The following FLG2 variants were observed in gnomAD, a reference collection of about 807,000 sequenced individuals.
FLG2 encodes the protein filaggrin 2, also known as filaggrin-2.
FLG2 carries 7 observed loss-of-function variants against 3.9 expected under a neutral mutation model. The observed-to-expected ratio is 1.79, with a 90% CI of 1.02 to 3.36. FLG2 has a LOEUF of 3.36. Among genes scored for constraint, FLG2 ranks in the 30% most tolerant of loss-of-function variants. The probability of loss-of-function intolerance (pLI) is 0.00; values close to 1 mark genes in which losing one functional copy is unlikely to be tolerated. For missense variants in FLG2, 2,700 were observed against 2,809.4 expected, an observed-to-expected ratio of 0.96 and a Z score of 0.88; for synonymous variants, 1,031 against 1,056.1, an observed-to-expected ratio of 0.98 and a Z score of 0.46.
In FLG2 at chr1:152,350,194, A is replaced by G. The variant is rs1653855012; in HGVS notation, c.*416T>C. The G allele has an allele frequency of 5.0e-6, 1 of 200,590 alleles. No homozygotes were observed. Among genetic ancestry groups the G allele is most frequent in the South Asian group, 9.9e-5 (1 of 10,056 alleles). 12.4% of individuals were successfully genotyped at this position (200,590 alleles called of 1,614,324 possible). ...ATGTATACCTATTGTATTGAACTCT[A>G]ACTTCCCATGCCTAGATCCTAATTG... is the stretch of plus-strand genomic sequence containing the variant. On this transcript the variant is annotated 3_prime_UTR_variant, in exon 3 of 3. Coordinates refer to ENST00000388718, the MANE Select transcript of FLG2 (RefSeq NM_001014342.3).
rs747594152 is a variant in FLG2 at position 152,352,322 on chromosome 1, G to A, written c.5464C>T (p.Arg1822Ter). The A allele has an allele frequency of 2.3e-5, 37 of 1,611,742 alleles. No homozygotes were observed. The highest frequency in any genetic ancestry group is 1.2e-4 in the South Asian group (11 of 90,962). The change falls in exon 3 of 3, where the codon CGA becomes TGA. Residue 1822 changes from arginine (R) to a stop codon, truncating the protein, a stop_gained. Transcript: ENST00000388718. LOFTEE classifies it low-confidence loss of function (END_TRUNC). ...HSGFSQRPHS[R>*]GHTHGQAGSQ... is the part of the protein sequence containing the mutation. Reference sequence around the variant, plus strand: ...CCAGCCTGGCCGTGAGTGTGTCCTCGTGAGTGTGGTCTTTGTGAGAACCCT... The same window carrying A: ...CCAGCCTGGCCGTGAGTGTGTCCTCATGAGTGTGGTCTTTGTGAGAACCCT...
In FLG2 at chr1:152,357,159, G is replaced by A. The variant is rs779948182; in HGVS notation, c.627C>T (p.Asn209=). The A allele has an allele frequency of 8.1e-6, 13 of 1,614,154 alleles. No individual in the cohort carries two copies. The Admixed American group carries it at 1.8e-4, about 23-fold the overall frequency. Reference sequence around the variant, plus strand: ...CCCTAGAAGGGCTAATGTGTGACTTGTTTATTCTTTCTCTCAGTTCTACAG... The same window carrying A: ...CCCTAGAAGGGCTAATGTGTGACTTATTTATTCTTTCTCTCAGTTCTACAG... The part of the protein sequence containing the change: ...SSSVELRERI[N]KSHISPSRES... The change falls in exon 3 of 3, where the codon AAC becomes AAT. Residue 209 remains asparagine (N), a synonymous_variant. Coordinates refer to ENST00000388718, the MANE Select transcript of FLG2 (RefSeq NM_001014342.3).
At chr1:152,359,055 T>A (rs764015266) in intron 1 of FLG2, 149 bp from the exon 2 acceptor site, 3 of 679,986 alleles carry the variant, frequency 4.4e-6, no homozygotes, top group Non-Finnish European at 4.8e-6. Flanking sequence ...TACAACCCCG[T>A]TTAACACAAT....
chr1:152,358,949 C>A, intron 1 of FLG2, 43 bp from the exon 2 acceptor site: 2 of 1,494,868 alleles, frequency 1.3e-6, no homozygotes, highest in South Asian at 1.3e-5. Context: ...CATATTCTCT[C>A]CTTTTATCAG....
rs1230394100 is a variant in FLG2 at position 152,357,413 on chromosome 1, G to A, written c.373C>T (p.His125Tyr). ...TEEDEEDTPG[H>Y]KSGYRHSSWS... ...CTTGAATGTCTGTAACCTGATTTAT[G>A]TCCTGGTGTATCCTCTTCATCCTCT... Residue 125 changes from histidine (H) to tyrosine (Y), a missense_variant, in exon 3 of 3, where the codon CAT becomes TAT. Transcript: ENST00000388718. 6 of 1,614,066 alleles carry A rather than the reference G, an allele frequency of 3.7e-6. No individual in the cohort carries two copies. Among genetic ancestry groups the A allele is most frequent in the African/African-American group, 1.3e-5 (1 of 74,980 alleles).
Position 152,351,405 on chromosome 1 carries a change from G to T in FLG2, c.6381C>A (p.Gly2127=), listed in dbSNP as rs1313370491. 6.2e-7 allele frequency: 1 copy of T among 1,613,110 alleles called. No individual in the cohort carries two copies. The highest frequency in any genetic ancestry group is 8.5e-7 in the Non-Finnish European group (1 of 1,179,818). Residue 2127 remains glycine (G), a synonymous_variant, in exon 3 of 3, where the codon GGC becomes GGA. Transcript: ENST00000388718. ...ACTCTCCATGTTGAGATCTGGCTTGGCCATAAGTGTGTCCTGAATGTGTGT... is the reference window on the plus strand; with the variant it reads ...ACTCTCCATGTTGAGATCTGGCTTGTCCATAAGTGTGTCCTGAATGTGTGT... ...VSHTHSGHTY[G]QARSQHGESG...
rs772722103 is a variant in FLG2 at position 152,355,559 on chromosome 1, A to C, written c.2227T>G (p.Ser743Ala). ...GQHGSGSGQS[S>A]GFGQHGSGSG... is the part of the protein sequence containing the mutation. The stretch of plus-strand genomic sequence containing the variant: ...CCAGACCCATGTTGTCCAAAGCCAG[A>C]GGACTGACCTGAGCCTGATCCATGT... Residue 743 changes from serine (S) to alanine (A), a missense_variant, in exon 3 of 3, where the codon TCT (serine) becomes GCT (alanine). Coordinates refer to ENST00000388718, the MANE Select transcript of FLG2 (RefSeq NM_001014342.3). 2.3e-5 allele frequency: 37 copies of C among 1,610,562 alleles called. No individual in the cohort carries two copies. Among genetic ancestry groups the C allele is most frequent in the Middle Eastern group, 1.7e-4 (1 of 6,038 alleles).
rs1380313303 is a variant in FLG2, at chr1:152,356,069, C to A, written c.1717G>T (p.Gly573Cys). 1.8e-5 allele frequency: 29 copies of A among 1,613,088 alleles called. No homozygotes were observed. The highest frequency in any genetic ancestry group is 2.2e-5 in the Non-Finnish European group (26 of 1,179,882). Residue 573 changes from glycine (G) to cysteine (C), a missense_variant, in exon 3 of 3, where the codon GGC becomes TGC. Transcript: ENST00000388718. ...CCAAAGCCAGTGGATTGACCTGAGC[C>A]CAACCCATGTTGTCCAAAGCCAGAT... ...ETSGFGQHGL[G>C]SGQSTGFGQY...
In FLG2 at chr1:152,356,935, T is replaced by G; in HGVS notation, c.851A>C (p.Asn284Thr). 6.2e-7 allele frequency: 1 copy of G among 1,614,212 alleles called. No homozygotes were observed. Among genetic ancestry groups the G allele is most frequent in the Non-Finnish European group, 8.5e-7 (1 of 1,180,038 alleles). The stretch of plus-strand genomic sequence containing the variant: ...TTGTGGCCTTCCACACCCACTTGAA[T>G]TGCTATAACCACATGCATGACTTCG... ...GRRSHACGYS[N>T]SSGCGRPQNA... The change falls in exon 3 of 3, where the codon AAT becomes ACT. Residue 284 changes from asparagine (N) to threonine (T), a missense_variant. Physicochemically the swap from Asn to Thr is moderately conservative, Grantham distance 65. Coordinates refer to ENST00000388718, the MANE Select transcript of FLG2 (RefSeq NM_001014342.3).
rs1177964746 is a variant in FLG2 at position 152,349,612 on chromosome 1, T to A, written c.*998A>T. 2.0e-5 allele frequency: 3 copies of A among 152,690 alleles called. No homozygotes were observed. The highest frequency in any genetic ancestry group is 6.5e-5 in the Admixed American group (1 of 15,278). The allele number at this position is 152,690 out of a possible 1,614,324, so 9.5% of individuals were successfully genotyped here. A position where few individuals can be genotyped will look rare whatever the true frequency, so the allele number is the denominator to read the frequency against. On this transcript the variant is annotated 3_prime_UTR_variant, in exon 3 of 3. Coordinates refer to ENST00000388718, the MANE Select transcript of FLG2 (RefSeq NM_001014342.3). ...ATGTTAAATACCTTAATTTCATGTA[T>A]GTGTCTCATTTCTTCTCTGGGTTAG... is the stretch of plus-strand genomic sequence containing the variant.
rs1653931141 is a variant in FLG2 at position 152,351,675 on chromosome 1, T to G, written c.6111A>C (p.Glu2037Asp). The change falls in exon 3 of 3, where the codon GAA becomes GAC. Residue 2037 changes from glutamate to aspartate, a missense_variant. Physicochemically the swap from Glu to Asp is conservative, Grantham distance 45. Transcript: ENST00000388718. Reference protein sequence around the residue: ...ASGHSEYSDSEGHSGVSHTHS... With the variant: ...ASGHSEYSDSDGHSGVSHTHS... ...GTGTGTGTGAGACCCCTGAGTGCCC[T>G]TCACTGTCACTGTACTCACTGTGGC... 1 of 1,611,422 alleles carries G rather than the reference T, an allele frequency of 6.2e-7. No homozygotes were observed. The highest frequency in any genetic ancestry group is 1.3e-5 in the African/African-American group (1 of 74,116).
In FLG2 at chr1:152,356,859, T is replaced by C. The variant is rs780609203; in HGVS notation, c.927A>G (p.Gln309=). ...QSHRFGGQGN[Q]FSYIQSGCQS... ...GACAGCCTGACTGAATATAGCTAAATTGATTTCCTTGCCCTCCAAATCTAT... is the reference window on the plus strand; with the variant it reads ...GACAGCCTGACTGAATATAGCTAAACTGATTTCCTTGCCCTCCAAATCTAT... The change falls in exon 3 of 3, where the codon CAA becomes CAG. Residue 309 remains glutamine (Q), a synonymous_variant. Transcript: ENST00000388718. 1.2e-6 allele frequency: 2 copies of C among 1,614,220 alleles called. No individual in the cohort carries two copies. The highest frequency in any genetic ancestry group is 1.7e-6 in the Non-Finnish European group (2 of 1,180,042).
In FLG2 at chr1:152,352,440, G is replaced by T; in HGVS notation, c.5346C>A (p.His1782Gln). The T allele has an allele frequency of 6.2e-7, 1 of 1,612,010 alleles. No individual in the cohort carries two copies. Among genetic ancestry groups the T allele is most frequent in the Non-Finnish European group, 8.5e-7 (1 of 1,179,472 alleles). The change falls in exon 3 of 3, where the codon CAC (histidine) becomes CAA (glutamine). Residue 1782 changes from histidine (H) to glutamine (Q), a missense_variant. Transcript: ENST00000388718. ...GQTGDTTRHA[H>Q]SGHGQSTQTG... ...TCTGTGTGGACTGTCCATGACCAGA[G>T]TGGGCATGTCTGGTGGTATCGCCTG...
chr1:152,351,166 C>G lies in FLG2; in HGVS notation c.6620G>C (p.Arg2207Pro). ...ACCTGAGGATCCTGACTGTCCATGT[C>G]GAGATCCGGCTTGGCTGTGAGTGTG... ...SGHTHSQAGS[R>P]HGQSGSSGHG... The change falls in exon 3 of 3, where the codon CGA becomes CCA. Residue 2207 changes from arginine (R) to proline (P), a missense_variant. Arg to Pro is a moderately radical substitution (Grantham distance 103). Transcript: ENST00000388718. 1 of 1,607,548 alleles carries G rather than the reference C, an allele frequency of 6.2e-7. No homozygotes were observed. The highest frequency in any genetic ancestry group is 1.1e-5 in the South Asian group (1 of 90,712).
rs759305561 is a variant in FLG2 at position 152,351,299 on chromosome 1, C to A, written c.6487G>T (p.Gly2163Ter). The A allele has an allele frequency of 6.2e-7, 1 of 1,613,898 alleles. No individual in the cohort carries two copies. The highest frequency in any genetic ancestry group is 8.5e-7 in the Non-Finnish European group (1 of 1,179,990). ...DTTRHGQSGH[G>*]QSTQTGSRTT... The stretch of plus-strand genomic sequence containing the variant: ...CTGGAACCTGTCTGTGTGGACTGTC[C>A]ATGACCAGACTGGCCATGTCTAGTG... The change falls in exon 3 of 3, where the codon GGA (glycine) becomes TGA (stop). Residue 2163 changes from glycine to a stop codon, truncating the protein, a stop_gained. Transcript: ENST00000388718. LOFTEE classifies it low-confidence loss of function (END_TRUNC).
rs1482282171 is a variant in FLG2, at chr1:152,350,410, T to C, written c.*200A>G. On this transcript the variant is annotated 3_prime_UTR_variant, in exon 3 of 3. Coordinates refer to ENST00000388718, the MANE Select transcript of FLG2 (RefSeq NM_001014342.3). ...GGCTGTGTTATATCCAGGTTGAACA[T>C]AGGTGTTGTTTGACTGTTTATGAGT... 4 of 661,024 alleles carry C rather than the reference T, an allele frequency of 6.1e-6. No homozygotes were observed. The highest frequency in any genetic ancestry group is 2.0e-5 in the South Asian group (1 of 49,026). 40.9% of individuals were successfully genotyped at this position (661,024 alleles called of 1,614,324 possible). A position where few individuals can be genotyped will look rare whatever the true frequency, so the allele number is the denominator to read the frequency against.
chr1:152,355,217 C>T lies in FLG2; in HGVS notation c.2569G>A (p.Gly857Ser). The T allele has an allele frequency of 6.2e-7, 1 of 1,609,994 alleles. No individual in the cohort carries two copies. The highest frequency in any genetic ancestry group is 8.5e-7 in the Non-Finnish European group (1 of 1,178,982). ...QHGSGSSQSS[G>S]YGQHGSSSGQ... ...GAACTTGACCCATGTTGACCATAGC[C>T]AGATGATTGACTTGAGCCAGAACCA... The change falls in exon 3 of 3, where the codon GGC (glycine) becomes AGC (serine). Residue 857 changes from glycine to serine, a missense_variant. Transcript: ENST00000388718.
Position 152,358,802 on chromosome 1 carries a change from A to T in FLG2, c.83T>A (p.Leu28Gln), listed in dbSNP as rs1175508838. 1 of 1,614,032 alleles carries T rather than the reference A, an allele frequency of 6.2e-7. No homozygotes were observed. Among genetic ancestry groups the T allele is most frequent in the Non-Finnish European group, 8.5e-7 (1 of 1,179,948 alleles). ...AAGTTCCTTTAGTTCACCCTTGCTCAGTGTGCCACACTCCCCATCTTGCTT... is the reference window on the plus strand; with the variant it reads ...AAGTTCCTTTAGTTCACCCTTGCTCTGTGTGCCACACTCCCCATCTTGCTT... ...YTKQDGECGT[L>Q]SKGELKELLE... is the part of the protein sequence containing the mutation. Residue 28 changes from leucine to glutamine, a missense_variant, in exon 2 of 3, where the codon CTG (leucine) becomes CAG (glutamine). By Grantham distance (113) the Leu-to-Gln change is moderately radical. Coordinates refer to ENST00000388718, the MANE Select transcript of FLG2 (RefSeq NM_001014342.3).
intron 1 of FLG2, 35 bp from the exon 2 acceptor site, chr1:152,358,941 T>C: frequency 6.5e-7 from 1 of 1,534,704 alleles, no homozygotes; most frequent in Non-Finnish European, 8.8e-7. Context: ...CTATTATTCA[T>C]ATTCTCTCCT....
Sources: gnomAD v4.1 joint callset for allele counts on GRCh38, gnomAD v4.1.1 for gene constraint, MANE v1.5 for transcripts, NCBI Gene and HGNC (gene_info 2026-07-23, HGNC 2026-07-21) for gene names.